Variants in UTRN observed in about 807,000 individuals in gnomAD.
UTRN encodes utrophin.
In UTRN, 283 loss-of-function variants were observed where a neutral mutation model predicts 463.9. The observed-to-expected ratio is 0.61, with a 90% confidence interval of 0.55 to 0.67. The LOEUF (loss-of-function observed/expected upper bound fraction) is 0.67. Among genes scored for constraint, UTRN ranks in the 30% least tolerant of loss-of-function variants. The pLI, the probability that UTRN is intolerant of heterozygous loss-of-function variation, is 0.00. For missense variants in UTRN, 3,922 were observed against 4,084.3 expected, an observed-to-expected ratio of 0.96 and a Z score of 1.08; for synonymous variants, 1,442 against 1,431.5, an observed-to-expected ratio of 1.01 and a Z score of -0.17.
At chr6:144,442,513 AG>A (rs1480026918) in intron 13 of UTRN, among the ~76,000 whole-genome samples, 1 of 152,206 alleles carries the variant, frequency 6.6e-6, no homozygotes, top group East Asian at 1.9e-4. Flanking sequence ...GAAGAAAAAG[AG>A]GTTTAATGGA....
rs529770822 is a variant in UTRN at position 144,489,943 on chromosome 6, G to T, written c.4135-128G>T. ...CCTACAAAAACTTATTAAAGCTTCT[G>T]TGGAGGTCAACATTATGTAAAATAC... On this transcript the variant is annotated intron_variant, in intron 30 of 74. Coordinates refer to ENST00000367545, the MANE Select transcript of UTRN (RefSeq NM_007124.3). 16 of 1,347,284 alleles carry T rather than the reference G, an allele frequency of 1.2e-5. No individual in the cohort carries two copies. The South Asian group carries it at 2.0e-4, about 17-fold the overall frequency. The allele number at this position is 1,347,284 out of a possible 1,614,324, so 83.5% of individuals were successfully genotyped here. A position where few individuals can be genotyped will look rare whatever the true frequency, so the allele number is the denominator to read the frequency against.
intron 65 of UTRN, among the ~76,000 whole-genome samples, chr6:144,806,457 T>C (rs923058156): frequency 6.6e-6 from 1 of 152,220 alleles, no homozygotes; most frequent in Non-Finnish European, 1.5e-5. Flanking sequence ...GGTCACTTTC[T>C]GCATTTGACC....
intron 53 of UTRN, among the ~76,000 whole-genome samples, chr6:144,727,490 G>A (rs556997546): frequency 1.3e-5 from 2 of 152,324 alleles, no homozygotes; most frequent in East Asian, 3.9e-4. Flanking sequence ...CAGGCGTGGT[G>A]GCCCATGCCT....
chr6:144,744,424 A>G (rs1178147451), intron 54 of UTRN, among the ~76,000 whole-genome samples: 1 of 147,174 alleles, frequency 6.8e-6, no homozygotes, highest in Non-Finnish European at 1.5e-5. Flanking sequence ...TATGTATAAT[A>G]TATACATAAT....
At chr6:144,352,160 ACT>A (rs750742480) in intron 2 of UTRN, among the ~76,000 whole-genome samples, 57 of 152,076 alleles carry the variant, frequency 3.7e-4, no homozygotes, top group Non-Finnish European at 6.2e-4. Context: ...TACTGAGGTA[ACT>A]CTAACCCACC....
chr6:144,640,635 A>G (rs569877670), intron 51 of UTRN, among the ~76,000 whole-genome samples: 1 of 152,236 alleles, frequency 6.6e-6, no homozygotes, highest in Admixed American at 6.5e-5. Context: ...GTTTATTCAA[A>G]GCTCTGATCT....
intron 50 of UTRN, among the ~76,000 whole-genome samples, chr6:144,562,436 TA>T (rs1399861773): frequency 1.3e-5 from 2 of 152,168 alleles, no homozygotes; most frequent in Non-Finnish European, 2.9e-5. Context: ...CTCACATTTA[TA>T]AGTGAGAACA....
intron 2 of UTRN, among the ~76,000 whole-genome samples, chr6:144,314,937 C>A (rs928074971): frequency 1.3e-5 from 2 of 148,878 alleles, no homozygotes; most frequent in African/African-American, 5.2e-5. Flanking sequence ...TATATATATA[C>A]CTCTCTCTAT....
At chr6:144,730,576 T>TGGCCTCCAGCATG in intron 54 of UTRN, 90 bp downstream of exon 54, 1 of 1,338,162 alleles carries the variant, frequency 7.5e-7, no homozygotes, top group African/African-American at 1.5e-5. Context: ...TACAGCATTT[T>TGGCCTCCAGCATG]AGGATCTAAT....
intron 2 of UTRN, among the ~76,000 whole-genome samples, chr6:144,375,162 C>T (rs946239249): frequency 1.3e-5 from 2 of 152,148 alleles, no homozygotes; most frequent in African/African-American, 4.8e-5. Flanking sequence ...ACGTAAAATA[C>T]ATGTCCCAGA....
chr6:144,482,249 A>C lies in UTRN; in HGVS notation c.3548A>C (p.Lys1183Thr). Residue 1183 changes from lysine (K) to threonine (T), a missense_variant, in exon 27 of 75, where the codon AAG (lysine) becomes ACG (threonine). Physicochemically the swap from Lys to Thr is moderately conservative, Grantham distance 78 (BLOSUM62 -1). Transcript: ENST00000367545. The part of the protein sequence containing the change: ...EDVLQKEVRV[K>T]ILKDNIKLLA... The stretch of plus-strand genomic sequence containing the variant: ...GTGTTGCAGAAGGAGGTGAGAGTGA[A>C]GATTCTCAAGGACAACATCAAGTTA... 1 of 1,597,460 alleles carries C rather than the reference A, an allele frequency of 6.3e-7. No homozygotes were observed. Among genetic ancestry groups the C allele is most frequent in the Non-Finnish European group, 8.5e-7 (1 of 1,173,354 alleles).
At chr6:144,575,789 T>C (rs955647628) in intron 50 of UTRN, among the ~76,000 whole-genome samples, 8 of 152,154 alleles carry the variant, frequency 5.3e-5, no homozygotes, top group Non-Finnish European at 1.0e-4. Flanking sequence ...GAGGGACTGC[T>C]GTATCACAAA....
intron 19 of UTRN, among the ~76,000 whole-genome samples, chr6:144,454,806 T>G (rs1044942797): frequency 6.6e-6 from 1 of 152,154 alleles, no homozygotes; most frequent in African/African-American, 2.4e-5. Context: ...ATTTTTACAG[T>G]TTTCTTGGAA....
intron 51 of UTRN, among the ~76,000 whole-genome samples, chr6:144,627,593 C>G (rs1776078462): frequency 6.6e-6 from 1 of 152,092 alleles, no homozygotes; most frequent in South Asian, 2.1e-4. Context: ...ACTCTGTTCC[C>G]ATTAAACAGT....
intron 51 of UTRN, among the ~76,000 whole-genome samples, chr6:144,589,348 A>G (rs1802778719): frequency 6.6e-6 from 1 of 152,172 alleles, no homozygotes; most frequent in Non-Finnish European, 1.5e-5. Flanking sequence ...ATATTACATC[A>G]TTAATAAATG....
rs571775189 is a variant in UTRN, at chr6:144,661,387, C to T, written c.7480-17019C>T. ...AGAGAAGAATTTAGCTCTTTGCTCCCTCCTGGCTGCAGTTGCTTCTCCCAA... is the reference window on the plus strand; with the variant it reads ...AGAGAAGAATTTAGCTCTTTGCTCCTTCCTGGCTGCAGTTGCTTCTCCCAA... On this transcript the variant is annotated intron_variant, in intron 51 of 74. Coordinates refer to ENST00000367545, the MANE Select transcript of UTRN (RefSeq NM_007124.3). Among the ~76,000 whole-genome samples, 3 of 152,270 alleles carry T rather than the reference C, an allele frequency of 2.0e-5. No individual in the cohort carries two copies. The South Asian group carries it at 6.2e-4, about 32-fold the overall frequency.
chr6:144,742,779 A>C (rs534875889), intron 54 of UTRN, among the ~76,000 whole-genome samples: 10 of 152,332 alleles, frequency 6.6e-5, no homozygotes, highest in African/African-American at 2.4e-4. Context: ...ACTGGCATGC[A>C]ATCTCCTAAT....
chr6:144,366,859 C>T (rs972429481), intron 2 of UTRN, among the ~76,000 whole-genome samples: 1 of 152,232 alleles, frequency 6.6e-6, no homozygotes, highest in East Asian at 1.9e-4. Flanking sequence ...AATTTACACT[C>T]CTACCAACAG....
chr6:144,823,484 A>AT (rs1175665481), intron 66 of UTRN, among the ~76,000 whole-genome samples: 1 of 152,186 alleles, frequency 6.6e-6, no homozygotes, highest in African/African-American at 2.4e-5. Context: ...TGTTGAAGTT[A>AT]TTTATGAAGC....
Sources: allele counts gnomAD v4.1 joint callset (sites outside exome capture counted in the v4.1 genomes callset), GRCh38; gene constraint gnomAD v4.1.1; transcripts MANE v1.5; gene names NCBI Gene and HGNC (gene_info 2026-07-23, HGNC 2026-07-21).